Variants in AUH observed in about 807,000 individuals in gnomAD.
AUH encodes the protein methylglutaconyl-CoA hydratase, mitochondrial.
In AUH, 29 loss-of-function variants were observed where a neutral mutation model predicts 42.3. The observed-to-expected ratio is 0.69, with a 90% CI of 0.51 to 0.93. AUH has a LOEUF of 0.93. AUH is among the 40% of genes least tolerant of loss of function. The pLI, the probability that AUH is intolerant of heterozygous loss-of-function variation, is 0.00. For synonymous variants in AUH, 174 were observed against 166.4 expected, an observed-to-expected ratio of 1.05 and a Z score of -0.35; for missense variants, 452 against 438.1, an observed-to-expected ratio of 1.03 and a Z score of -0.28.
chr9:91,361,550 C>A, intron 1 of AUH, 78 bp downstream of exon 1: 1 of 1,518,662 alleles, frequency 6.6e-7, no homozygotes, highest in Admixed American at 2.1e-5. Flanking sequence ...GTCCTGCCGG[C>A]GGACGCTGCA....
At chr9:91,293,866 C>T (rs1827107512) in intron 6 of AUH, among the ~76,000 whole-genome samples, 1 of 152,202 alleles carries the variant, frequency 6.6e-6, no homozygotes, top group South Asian at 2.1e-4. Flanking sequence ...TTCAAAGCTT[C>T]AAAGGACAGA....
chr9:91,350,387 A>C (rs1299938154), intron 3 of AUH, among the ~76,000 whole-genome samples: 3 of 152,228 alleles, frequency 2.0e-5, no homozygotes, highest in Non-Finnish European at 2.9e-5. Flanking sequence ...CAGGTCTTTC[A>C]CTTCACAGGG....
chr9:91,272,904 G>A (rs552024615), intron 6 of AUH, among the ~76,000 whole-genome samples: 52 of 152,290 alleles, frequency 3.4e-4, no homozygotes, highest in African/African-American at 1.2e-3. Flanking sequence ...AAATAGGAGA[G>A]CAAAATACTG....
At chr9:91,313,821 CTCTTT>C (rs1382197314) in intron 4 of AUH, among the ~76,000 whole-genome samples, 22 of 112,308 alleles carry the variant, frequency 2.0e-4, no homozygotes, top group African/African-American at 5.4e-4. Flanking sequence ...TCCATAAACG[CTCTTT>C]TTTTTTTTTT....
intron 6 of AUH, among the ~76,000 whole-genome samples, chr9:91,253,870 G>C (rs142077817): frequency 6.6e-6 from 1 of 152,300 alleles, no homozygotes; most frequent in East Asian, 1.9e-4. Flanking sequence ...ATACAAAATT[G>C]TATTTTAATG....
intron 6 of AUH, among the ~76,000 whole-genome samples, chr9:91,240,054 C>T (rs751193103): frequency 1.3e-5 from 2 of 152,184 alleles, no homozygotes; most frequent in African/African-American, 2.4e-5. Flanking sequence ...AACATACACA[C>T]CCAAGTCTTA....
At chr9:91,360,712 T>C (rs995997186) in intron 1 of AUH, among the ~76,000 whole-genome samples, 16 of 152,150 alleles carry the variant, frequency 1.1e-4, no homozygotes, top group African/African-American at 3.9e-4. Flanking sequence ...GCCTTGAAAG[T>C]TCACACAGCC....
intron 4 of AUH, chr9:91,306,443 G>T: frequency 1.1e-6 from 1 of 918,668 alleles, no homozygotes; most frequent in South Asian, 5.0e-5. Context: ...CTGATAAAAA[G>T]ATAACATACC....
chr9:91,245,507 C>G (rs529046719), intron 6 of AUH, among the ~76,000 whole-genome samples: 1 of 152,184 alleles, frequency 6.6e-6, no homozygotes, highest in African/African-American at 2.4e-5. Context: ...CTAATCACCC[C>G]CAACAATTAA....
chr9:91,313,160 C>T (rs1359220959), intron 4 of AUH, among the ~76,000 whole-genome samples: 1 of 152,106 alleles, frequency 6.6e-6, no homozygotes. Context: ...TCAGGAAAAA[C>T]CGGTCTGTTT....
At chr9:91,317,413 C>T (rs1229512750) in intron 4 of AUH, among the ~76,000 whole-genome samples, 1 of 152,078 alleles carries the variant, frequency 6.6e-6, no homozygotes, top group East Asian at 1.9e-4. Context: ...ACATGTAGTC[C>T]TAGACTCATT....
chr9:91,245,725 A>T (rs1401928865), intron 6 of AUH, among the ~76,000 whole-genome samples: 1 of 152,134 alleles, frequency 6.6e-6, no homozygotes, highest in African/African-American at 2.4e-5. Flanking sequence ...GGATGTAGGG[A>T]CTATCATCTT....
intron 4 of AUH, among the ~76,000 whole-genome samples, chr9:91,303,424 G>A (rs527766045): frequency 1.0e-3 from 152 of 152,026 alleles, no homozygotes; most frequent in African/African-American, 3.5e-3. Context: ...TCCTCCTCCC[G>A]GGTTCACACC....
At chr9:91,236,234 T>C (rs529471711) in intron 6 of AUH, among the ~76,000 whole-genome samples, 2 of 151,698 alleles carry the variant, frequency 1.3e-5, no homozygotes, top group South Asian at 4.2e-4. Flanking sequence ...TCCCTAGCAA[T>C]TTCTAGCTAA....
chr9:91,317,112 C>T (rs1033059858), intron 4 of AUH, among the ~76,000 whole-genome samples: 2 of 152,112 alleles, frequency 1.3e-5, no homozygotes, highest in African/African-American at 2.4e-5. Context: ...TATCCGAAAG[C>T]GAATAATACA....
intron 3 of AUH, among the ~76,000 whole-genome samples, chr9:91,342,150 C>T (rs527504225): frequency 6.6e-6 from 1 of 152,342 alleles, no homozygotes; most frequent in South Asian, 2.1e-4. Context: ...GTTGGCAAGG[C>T]TGCATTCCTT....
chr9:91,323,673 A>G (rs1829761034), intron 4 of AUH, among the ~76,000 whole-genome samples: 1 of 152,148 alleles, frequency 6.6e-6, no homozygotes, highest in Non-Finnish European at 1.5e-5. Flanking sequence ...TAACAAGACT[A>G]CAACGAAAAC....
At chr9:91,322,253 A>T (rs1019258116) in intron 4 of AUH, among the ~76,000 whole-genome samples, 1 of 152,238 alleles carries the variant, frequency 6.6e-6, no homozygotes, top group Non-Finnish European at 1.5e-5. Flanking sequence ...CAGAACAGAA[A>T]GACACTCTGG....
At chr9:91,223,501 T>C (rs1314736440) in intron 6 of AUH, among the ~76,000 whole-genome samples, 1 of 152,346 alleles carries the variant, frequency 6.6e-6, no homozygotes, top group East Asian at 1.9e-4. Flanking sequence ...CTCTACCTTT[T>C]GGCTATTGTG....
Sources: allele counts gnomAD v4.1 joint callset (sites outside exome capture counted in the v4.1 genomes callset), GRCh38; gene constraint gnomAD v4.1.1; transcripts MANE v1.5; gene names NCBI Gene and HGNC (gene_info 2026-07-23, HGNC 2026-07-21).